Variants in TENM2 observed in about 807,000 individuals in gnomAD.
TENM2 encodes teneurin-2.
Under a neutral mutation model 245.2 loss-of-function variants are expected in TENM2, and 52 were observed. The ratio of observed to expected loss-of-function variants is 0.21; its 90% CI spans 0.17 to 0.27. TENM2 has a LOEUF of 0.27. Among genes scored for constraint, TENM2 ranks in the 10% least tolerant of loss-of-function variants. The pLI is 1.00. For missense variants in TENM2, 3,046 were observed against 3,666.8 expected (o/e 0.83, Z 4.37); for synonymous variants, 1,363 against 1,438.9 (o/e 0.95, Z 1.19).
At chr5:167,489,546 C>G (rs1768295581) in intron 2 of TENM2, among the ~76,000 whole-genome samples, 1 of 152,194 alleles carries the variant, frequency 6.6e-6, no homozygotes. Context: ...TTCTCTCCCT[C>G]CCTATCTCCT....
chr5:167,454,101 G>A (rs554792403), intron 2 of TENM2, among the ~76,000 whole-genome samples: 1 of 152,018 alleles, frequency 6.6e-6, no homozygotes, highest in South Asian at 2.1e-4. Flanking sequence ...TCATATTATG[G>A]GGTCACAGGA....
chr5:167,869,687 C>G (rs1412968156), intron 2 of TENM2, among the ~76,000 whole-genome samples: 1 of 152,184 alleles, frequency 6.6e-6, no homozygotes, highest in African/African-American at 2.4e-5. Context: ...ACCCAGTGCT[C>G]CCTCAAAGCC....
chr5:167,720,704 G>A (rs1375074665), intron 2 of TENM2, among the ~76,000 whole-genome samples: 2 of 152,180 alleles, frequency 1.3e-5, no homozygotes, highest in Non-Finnish European at 2.9e-5. Flanking sequence ...TAGGGAGCAA[G>A]AATAATATAT....
intron 2 of TENM2, among the ~76,000 whole-genome samples, chr5:167,848,836 T>C (rs989005130): frequency 6.6e-6 from 1 of 152,180 alleles, no homozygotes; most frequent in African/African-American, 2.4e-5. Flanking sequence ...TCTACCCCTT[T>C]CCCAACCCCC....
At chr5:167,565,106 G>A (rs150102888) in intron 2 of TENM2, among the ~76,000 whole-genome samples, 2 of 152,304 alleles carry the variant, frequency 1.3e-5, no homozygotes, top group African/African-American at 4.8e-5. Flanking sequence ...AACAATGAAA[G>A]TTTTAAGAAG....
At chr5:166,985,530 G>C in the TENM2 span, among the ~76,000 whole-genome samples, 1 of 152,032 alleles carries the variant, frequency 6.6e-6, no homozygotes, top group African/African-American at 2.4e-5. Context: ...CACAACTTGT[G>C]TGACCCAAAA....
At chr5:167,422,311 T>C (rs1763558565) in intron 2 of TENM2, among the ~76,000 whole-genome samples, 1 of 152,174 alleles carries the variant, frequency 6.6e-6, no homozygotes, top group Non-Finnish European at 1.5e-5. Flanking sequence ...AAATCCACAA[T>C]GTGCAGTTCA....
chr5:167,497,013 C>T (rs1489250011), intron 2 of TENM2, among the ~76,000 whole-genome samples: 1 of 151,296 alleles, frequency 6.6e-6, no homozygotes, highest in Non-Finnish European at 1.5e-5. Context: ...TCTAGGTGGT[C>T]GCATATCTGA....
chr5:167,509,519 G>A (rs1368683464), intron 2 of TENM2, among the ~76,000 whole-genome samples: 3 of 152,036 alleles, frequency 2.0e-5, no homozygotes, highest in South Asian at 2.1e-4. Flanking sequence ...ACTTTTGTTC[G>A]ATTATTTCTT....
At chr5:168,180,155 C>T (rs901170700) in intron 13 of TENM2, among the ~76,000 whole-genome samples, 1 of 152,206 alleles carries the variant, frequency 6.6e-6, no homozygotes, top group African/African-American at 2.4e-5. Context: ...GGAGGTATGG[C>T]TGGTCCTTCC....
At chr5:168,225,942 G>A (rs916935655) in intron 23 of TENM2, 146 bp from the exon 26 acceptor site, 1 of 632,512 alleles carries the variant, frequency 1.6e-6, no homozygotes, top group African/African-American at 1.8e-5. Flanking sequence ...ATAGGGTTTT[G>A]ACTGTGACGA....
At chr5:167,893,679 A>G (rs1282363570) in intron 3 of TENM2, among the ~76,000 whole-genome samples, 1 of 150,502 alleles carries the variant, frequency 6.6e-6, no homozygotes, top group African/African-American at 2.4e-5. Flanking sequence ...TGTTAGAGGG[A>G]GAAAGAATGT....
At chr5:167,348,767 A>C (rs558082692) in intron 1 of TENM2, among the ~76,000 whole-genome samples, 1 of 152,302 alleles carries the variant, frequency 6.6e-6, no homozygotes, top group East Asian at 1.9e-4. Context: ...TTCAGCCACT[A>C]AAATTGGCAA....
chr5:167,767,472 A>G (rs1763110064), intron 2 of TENM2, among the ~76,000 whole-genome samples: 1 of 152,206 alleles, frequency 6.6e-6, no homozygotes, highest in African/African-American at 2.4e-5. Context: ...CCGGAGATGG[A>G]TGGTGATGAT....
At chr5:168,142,416 C>T (rs952007784) in intron 12 of TENM2, among the ~76,000 whole-genome samples, 2 of 152,176 alleles carry the variant, frequency 1.3e-5, no homozygotes, top group East Asian at 1.9e-4. Context: ...CTAAGTAATA[C>T]AACTTTAAAA....
At chr5:167,578,072 G>A (rs1774834887) in intron 2 of TENM2, among the ~76,000 whole-genome samples, 1 of 152,200 alleles carries the variant, frequency 6.6e-6, no homozygotes, top group Non-Finnish European at 1.5e-5. Flanking sequence ...GGTCTTGAAC[G>A]GCAAGCCAAG....
intron 19 of TENM2, among the ~76,000 whole-genome samples, chr5:168,210,052 T>C (rs1218103846): frequency 2.6e-5 from 4 of 151,926 alleles, no homozygotes; most frequent in African/African-American, 9.7e-5. Context: ...ACCTAAAGAG[T>C]CTGTGGTATT....
At chr5:168,084,824 C>T (rs988461695) in intron 7 of TENM2, among the ~76,000 whole-genome samples, 7 of 152,160 alleles carry the variant, frequency 4.6e-5, no homozygotes, top group African/African-American at 1.4e-4. Context: ...TTTTTCTCTG[C>T]CCCAGTGTGA....
At chr5:167,229,851 A>G in the TENM2 span, among the ~76,000 whole-genome samples, 2 of 152,304 alleles carry the variant, frequency 1.3e-5, no homozygotes, top group African/African-American at 2.4e-5. Flanking sequence ...AGGCCCTGCT[A>G]CAAGGGAGGG....
Sources: gnomAD v4.1 joint callset for allele counts (sites outside exome capture counted in the v4.1 genomes callset) on GRCh38, gnomAD v4.1.1 for gene constraint, MANE v1.5 for transcripts, NCBI Gene and HGNC (gene_info 2026-07-23, HGNC 2026-07-21) for gene names.